The following SH3PXD2B variants were observed in gnomAD, a reference collection of about 807,000 sequenced individuals.
SH3PXD2B encodes SH3 and PX domain-containing protein 2B.
SH3PXD2B carries 37 observed loss-of-function variants against 73.1 expected under a neutral mutation model. The ratio of observed to expected loss-of-function variants is 0.51; its 90% CI spans 0.39 to 0.67. The LOEUF is 0.67. Ranked by LOEUF, SH3PXD2B falls within the 30% of genes least tolerant of loss-of-function variation. The pLI, the probability that SH3PXD2B is intolerant of heterozygous loss-of-function variation, is 0.00. For synonymous variants in SH3PXD2B, 457 were observed against 480.5 expected (o/e 0.95, Z 0.64); for missense variants, 1,053 against 1,197.8 (o/e 0.88, Z 1.78).
downstream of SH3PXD2B, among the ~76,000 whole-genome samples, chr5:172,330,034 G>A (rs186304943): frequency 5.6e-3 from 849 of 152,268 alleles, 5 homozygotes; most frequent in Non-Finnish European, 8.8e-3. Flanking sequence ...TATCCAAAAT[G>A]CTTAGGACCA....
In SH3PXD2B at chr5:172,346,242, G is replaced by T; in HGVS notation, c.1082C>A (p.Pro361Gln). The T allele has an allele frequency of 1.2e-6, 2 of 1,613,932 alleles. No homozygotes were observed. The highest frequency in any genetic ancestry group is 1.1e-5 in the South Asian group (1 of 91,072). Residue 361 changes from proline (P) to glutamine (Q), a missense_variant, in exon 12 of 13, where the codon CCG (proline) becomes CAG (glutamine). Around this residue, in one of 2 missense-constraint regions of SH3PXD2B, gnomAD observed 466 missense variants for 607.1 expected, o/e 0.77. Coordinates refer to ENST00000311601, the MANE Select transcript of SH3PXD2B (RefSeq NM_001017995.3). ...CACTTGGGGCGGGATGGGCGGCTTC[G>T]GCAGGTTGAGGCCTCGAGGCTGGTA... ...DMTIPRGLNL[P>Q]KPPIPPQVEE...
chr5:172,346,366 G>C (rs562240675), intron 11 of SH3PXD2B, 105 bp from the exon 12 acceptor site: 1 of 1,559,732 alleles, frequency 6.4e-7, no homozygotes, highest in Admixed American at 1.7e-5. Context: ...CCTTAAGGGG[G>C]TGCTGGGGAC....
At chr5:172,360,292 G>C (rs1757369122) in intron 7 of SH3PXD2B, among the ~76,000 whole-genome samples, 1 of 152,224 alleles carries the variant, frequency 6.6e-6, no homozygotes, top group Admixed American at 6.5e-5. Context: ...TAGCTTGCTA[G>C]ATCCTCACCA....
intron 2 of SH3PXD2B, among the ~76,000 whole-genome samples, chr5:172,411,126 T>C (rs1246547686): frequency 1.3e-5 from 2 of 152,250 alleles, no homozygotes; most frequent in East Asian, 1.9e-4. Context: ...GTTAGAGATT[T>C]ATAGGTTTTT....
chr5:172,428,644 AC>A (rs1009517400), intron 1 of SH3PXD2B, among the ~76,000 whole-genome samples: 1 of 152,166 alleles, frequency 6.6e-6, no homozygotes, highest in Admixed American at 6.5e-5. Flanking sequence ...AGGTTACCAA[AC>A]CTAGCCTCAT....
intron 2 of SH3PXD2B, among the ~76,000 whole-genome samples, chr5:172,413,686 C>G (rs762899601): frequency 2.0e-5 from 3 of 152,212 alleles, no homozygotes; most frequent in African/African-American, 4.8e-5. Flanking sequence ...GATAATCATG[C>G]CTCTTTCTAT....
intron 1 of SH3PXD2B, among the ~76,000 whole-genome samples, chr5:172,437,799 A>G (rs536135918): frequency 3.9e-5 from 6 of 152,278 alleles, no homozygotes; most frequent in Admixed American, 6.5e-5. Flanking sequence ...TCCACAGGGC[A>G]CGCAGCGAAG....
intron 1 of SH3PXD2B, among the ~76,000 whole-genome samples, chr5:172,424,357 G>T (rs1759045709): frequency 6.6e-6 from 1 of 152,238 alleles, no homozygotes; most frequent in Non-Finnish European, 1.5e-5. Context: ...GGCAGTGGCT[G>T]TGGGTAGAGG....
At chr5:172,341,406 C>A (rs1316187541) in intron 12 of SH3PXD2B, among the ~76,000 whole-genome samples, 2 of 152,128 alleles carry the variant, frequency 1.3e-5, no homozygotes, top group Admixed American at 6.5e-5. Context: ...TGGTGTCCTT[C>A]CCTTGGTAAT....
downstream of SH3PXD2B, among the ~76,000 whole-genome samples, chr5:172,331,481 G>T (rs923591081): frequency 6.6e-6 from 1 of 152,166 alleles, no homozygotes; most frequent in South Asian, 2.1e-4. Flanking sequence ...AGACGCTGAA[G>T]AATCTCATGT....
At chr5:172,392,666 T>A (rs1336523321) in intron 4 of SH3PXD2B, among the ~76,000 whole-genome samples, 2 of 150,618 alleles carry the variant, frequency 1.3e-5, no homozygotes, top group Non-Finnish European at 2.9e-5. Flanking sequence ...GTGCCTGTAA[T>A]CCCAGCGACT....
rs916344277 is a variant in SH3PXD2B, at chr5:172,337,064, A to G, written c.*1305T>C. Reference sequence around the variant, plus strand: ...GCCACCTCAGCTCCCGTTGCTCCATAAGCTCTATTCCCCAGGGGGCAACAG... The same window carrying G: ...GCCACCTCAGCTCCCGTTGCTCCATGAGCTCTATTCCCCAGGGGGCAACAG... On this transcript the variant is annotated 3_prime_UTR_variant, in exon 13 of 13. Coordinates refer to ENST00000311601, the MANE Select transcript of SH3PXD2B (RefSeq NM_001017995.3). The G allele has an allele frequency of 5.1e-6, 5 of 983,506 alleles. No homozygotes were observed. The African/African-American group carries it at 7.1e-5, about 14-fold the overall frequency. 60.9% of individuals were successfully genotyped at this position (983,506 alleles called of 1,614,324 possible). A position where few individuals can be genotyped will look rare whatever the true frequency, so the allele number is the denominator to read the frequency against.
chr5:172,368,511 T>A (rs13156784), intron 6 of SH3PXD2B, among the ~76,000 whole-genome samples: 3 of 23,250 alleles, frequency 1.3e-4, no homozygotes, highest in South Asian at 1.6e-3. Context: ...TATATATATA[T>A]AAAATATATA....
intron 1 of SH3PXD2B, among the ~76,000 whole-genome samples, chr5:172,453,669 T>C (rs1348399421): frequency 6.6e-6 from 1 of 152,128 alleles, no homozygotes; most frequent in Admixed American, 6.5e-5. Flanking sequence ...GGAGAAAACT[T>C]TCGTACATTT....
At chr5:172,352,625 G>A (rs548654906) in intron 9 of SH3PXD2B, among the ~76,000 whole-genome samples, 19 of 152,264 alleles carry the variant, frequency 1.2e-4, no homozygotes, top group African/African-American at 3.9e-4. Context: ...GGACTCAGGC[G>A]GAGGTAACTG....
intron 1 of SH3PXD2B, among the ~76,000 whole-genome samples, chr5:172,446,513 C>T (rs1164338228): frequency 6.6e-6 from 1 of 152,220 alleles, no homozygotes; most frequent in Non-Finnish European, 1.5e-5. Flanking sequence ...CCCGCTACCA[C>T]AGCTCTTTCT....
At chr5:172,363,237 G>A (rs888280274) in intron 6 of SH3PXD2B, among the ~76,000 whole-genome samples, 6 of 151,866 alleles carry the variant, frequency 4.0e-5, no homozygotes, top group African/African-American at 1.2e-4. Flanking sequence ...TCTATCTGCC[G>A]TCCATTCAAC....
At position 172,393,481 on chromosome 5, in the gene SH3PXD2B, TC is replaced by T. The variant is rs1758232762; in HGVS notation, c.309+1081del. On this transcript the variant is annotated intron_variant, in intron 4 of 12. Transcript: ENST00000311601. ...CTCTTATGATTTTCTGCATAGAGAA[TC>T]GTGTCATCTGTGAGTCAAGAGTCAA... Among the ~76,000 whole-genome samples, 3 of 152,184 alleles carry T rather than the reference TC, an allele frequency of 2.0e-5. 1 individual carries two copies. The highest frequency in any genetic ancestry group is 7.2e-5 in the African/African-American group (3 of 41,444).
chr5:172,416,071 T>C lies in SH3PXD2B; in HGVS notation c.156+6345A>G, dbSNP rs572743110. Reference sequence around the variant, plus strand: ...AGCCGGGCGCGGTGGCTCAGGCCTGTAATCCCAGCACTTTGGGAGGCCGAG... The same window carrying C: ...AGCCGGGCGCGGTGGCTCAGGCCTGCAATCCCAGCACTTTGGGAGGCCGAG... On this transcript the variant is annotated intron_variant, in intron 2 of 12. Transcript: ENST00000311601. 3.3e-5 allele frequency among the ~76,000 whole-genome samples: 5 copies of C among 152,308 alleles called. No homozygotes were observed. The East Asian group carries it at 9.7e-4, about 29-fold the overall frequency.
Sources: allele counts gnomAD v4.1 joint callset (sites outside exome capture counted in the v4.1 genomes callset), GRCh38; gene constraint gnomAD v4.1.1; regional missense constraint gnomAD v4.1.1; transcripts MANE v1.5; gene names NCBI Gene and HGNC (gene_info 2026-07-23, HGNC 2026-07-21).